Variants in LMNTD2 observed in about 807,000 individuals in gnomAD.
LMNTD2 encodes lamin tail domain containing 2, also known as lamin tail domain-containing protein 2.
In LMNTD2, 83 loss-of-function variants were observed where a neutral mutation model predicts 70.1. That is an observed-to-expected ratio of 1.18 (90% CI 0.99 to 1.42). LMNTD2 has a LOEUF of 1.42. Ranked by LOEUF, LMNTD2 falls within the 40% of genes most tolerant of loss-of-function variation. LMNTD2 has a pLI of 0.00. For synonymous variants in LMNTD2, 534 were observed against 406.1 expected (o/e 1.31, Z -3.79); for missense variants, 1,153 against 905.9 (o/e 1.27, Z -3.50).
Position 555,727 on chromosome 11 carries a change from T to G in LMNTD2, c.1574+7A>C. On this transcript the variant is annotated splice_region_variant and intron_variant, in intron 12 of 13. Transcript: ENST00000329451. ...GAGGCCAGATCCCGGGGACCCGCGG[T>G]CCCCACCCTGGTCTCCGGCGACTGA... The G allele has an allele frequency of 7.2e-7, 1 of 1,388,366 alleles. No individual in the cohort carries two copies. The highest frequency in any genetic ancestry group is 9.2e-7 in the Non-Finnish European group (1 of 1,082,412). 86.0% of individuals were successfully genotyped at this position (1,388,366 alleles called of 1,614,324 possible).
Position 555,880 on chromosome 11 carries a change from G to C in LMNTD2, c.1428C>G (p.Val476=). Residue 476 remains valine (V), a synonymous_variant, in exon 12 of 14, where the codon GTC becomes GTG. Coordinates refer to ENST00000329451, the MANE Select transcript of LMNTD2 (RefSeq NM_173573.3). ...IPRRETPAPR[V]FADGTDLSID... Reference sequence around the variant, plus strand: ...TGGACAAGTCGGTGCCGTCGGCGAAGACCCTCGGGGCCGGAGTCTCGCGGC... The same window carrying C: ...TGGACAAGTCGGTGCCGTCGGCGAACACCCTCGGGGCCGGAGTCTCGCGGC... The C allele has an allele frequency of 1.3e-6, 2 of 1,565,010 alleles. No individual in the cohort carries two copies. Among genetic ancestry groups the C allele is most frequent in the South Asian group, 1.2e-5 (1 of 86,482 alleles).
At chr11:555,205 A>AGGGGCGGGGAGGAGAGCGGG (rs1852750186) in intron 13 of LMNTD2, 94 bp from the exon 14 acceptor site, 2 of 438,278 alleles carry the variant, frequency 4.6e-6, no homozygotes, top group Non-Finnish European at 6.0e-6. Flanking sequence ...AGGAGAGCGG[A>AGGGGCGGGGAGGAGAGCGGG]GGGGAGGGGA....
intron 1 of LMNTD2, 93 bp downstream of exon 1, chr11:560,590 G>A (rs1398385624): frequency 2.3e-6 from 3 of 1,291,860 alleles, no homozygotes; most frequent in East Asian, 3.1e-5. Flanking sequence ...CGGGGGTTGC[G>A]GGATCTCAAG....
At chr11:559,286 T>C (rs1853125368) in intron 1 of LMNTD2, 4 of 1,462,632 alleles carry the variant, frequency 2.7e-6, no homozygotes, top group African/African-American at 1.4e-5. Flanking sequence ...TTGCCTGTGA[T>C]GTGGTGTCCC....
intron 3 of LMNTD2, 149 bp from the exon 4 acceptor site, chr11:558,397 C>T: frequency 9.1e-7 from 1 of 1,097,424 alleles, no homozygotes; most frequent in Non-Finnish European, 1.3e-6. Flanking sequence ...GCTGGCCAGC[C>T]TCCGGCTGGT....
chr11:555,524 A>C (rs2134091119), intron 12 of LMNTD2, 21 bp from the exon 13 acceptor site: 1 of 1,344,268 alleles, frequency 7.4e-7, no homozygotes, highest in East Asian at 3.0e-5. Flanking sequence ...GAGGGTCGTG[A>C]GGGCGGCGGC....
chr11:559,684 G>GT (rs1853155206), intron 1 of LMNTD2: 2 of 1,168,290 alleles, frequency 1.7e-6, no homozygotes, highest in South Asian at 1.7e-5. Context: ...AAGCAGACAG[G>GT]TAACAGTGAC....
In LMNTD2 at chr11:554,927, C is replaced by A. The variant is rs942339821; in HGVS notation, c.*53G>T. On this transcript the variant is annotated 3_prime_UTR_variant, in exon 14 of 14. Coordinates refer to ENST00000329451, the MANE Select transcript of LMNTD2 (RefSeq NM_173573.3). ...GATGCAGCGGACACAGCCCGCCCAGCCCCGGCGCCCGCCCGCGCCCTCCCT... is the reference window on the plus strand; with the variant it reads ...GATGCAGCGGACACAGCCCGCCCAGACCCGGCGCCCGCCCGCGCCCTCCCT... The A allele has an allele frequency of 7.4e-7, 1 of 1,353,526 alleles. No homozygotes were observed. Among genetic ancestry groups the A allele is most frequent in the Non-Finnish European group, 9.8e-7 (1 of 1,025,420 alleles). The allele number at this position is 1,353,526 out of a possible 1,614,324, so 83.8% of individuals were successfully genotyped here.
chr11:558,707 A>G lies in LMNTD2; in HGVS notation c.218T>C (p.Leu73Pro). The change falls in exon 3 of 14, where the codon CTG (leucine) becomes CCG (proline). Residue 73 changes from leucine (L) to proline (P), a missense_variant. By Grantham distance (98) the Leu-to-Pro change is moderately conservative. Transcript: ENST00000329451. ...TLRLLWRQRELEIQALRWAIQ... is the reference protein window; with the variant it reads ...TLRLLWRQREPEIQALRWAIQ... ...GGCCCACCGCAAGGCCTGGATCTCC[A>G]GTTCTCGCTGTCTCCACAGCAGCCG... 6.2e-7 allele frequency: 1 copy of G among 1,606,638 alleles called. No homozygotes were observed. The highest frequency in any genetic ancestry group is 1.1e-5 in the South Asian group (1 of 90,028).
chr11:555,306 C>T lies in LMNTD2; in HGVS notation c.1772G>A (p.Arg591Gln), dbSNP rs530471704. ...DCRLQKEHRV[R>Q]VCRKSVDRSC... ...GCGCACCCGCAAGCGCGCACTCACCCGAACTCGGTGTTCTTTCTGGAGCCG... is the reference window on the plus strand; with the variant it reads ...GCGCACCCGCAAGCGCGCACTCACCTGAACTCGGTGTTCTTTCTGGAGCCG... The change falls in exon 13 of 14, where the codon CGG becomes CAG. Residue 591 changes from arginine to glutamine, a missense_variant and splice_region_variant. Arg to Gln is a conservative substitution (Grantham distance 43). Coordinates refer to ENST00000329451, the MANE Select transcript of LMNTD2 (RefSeq NM_173573.3). 2 of 1,414,508 alleles carry T rather than the reference C, an allele frequency of 1.4e-6. No homozygotes were observed. Among genetic ancestry groups the T allele is most frequent in the East Asian group, 5.8e-5 (2 of 34,566 alleles). The allele number at this position is 1,414,508 out of a possible 1,614,324, so 87.6% of individuals were successfully genotyped here.
Position 558,900 on chromosome 11 carries a change from G to A in LMNTD2, c.114C>T (p.Asp38=). Residue 38 remains aspartate, a synonymous_variant, in exon 2 of 14, where the codon GAC becomes GAT. Transcript: ENST00000329451. ...AAPETPTCLP[D]TTPHPAPVVC... Reference sequence around the variant, plus strand: ...CCACCGGTGCGGGGTGGGGCGTGGTGTCTGGCAGGCACGTGGGAGTCTCGG... The same window carrying A: ...CCACCGGTGCGGGGTGGGGCGTGGTATCTGGCAGGCACGTGGGAGTCTCGG... The A allele has an allele frequency of 1.9e-6, 3 of 1,611,490 alleles. No homozygotes were observed. The highest frequency in any genetic ancestry group is 2.5e-6 in the Non-Finnish European group (3 of 1,179,526).
chr11:558,427 C>A, intron 3 of LMNTD2, 179 bp from the exon 4 acceptor site: 1 of 1,048,812 alleles, frequency 9.5e-7, no homozygotes, highest in Admixed American at 2.8e-5. Context: ...GGTCTAGCAC[C>A]CATCCACATG....
At chr11:557,314 AT>A in intron 7 of LMNTD2, 84 bp downstream of exon 7, 13 of 1,463,760 alleles carry the variant, frequency 8.9e-6, no homozygotes, top group South Asian at 1.2e-5. Flanking sequence ...GGGACACTAA[AT>A]GGTCCTTTAG....
In LMNTD2 at chr11:556,896, G is replaced by A. The variant is rs1327131854; in HGVS notation, c.915C>T (p.Asp305=). Residue 305 remains aspartate, a synonymous_variant, in exon 8 of 14, where the codon GAC becomes GAT. Transcript: ENST00000329451. ...FVQVIGHPPR[D]HRASSEQALV... is the part of the protein sequence containing the mutation. ...GCGCTTGCTCGGAGGAAGCGCGGTG[G>A]TCCCGGGGCGGGTGCCCTATCACCT... 1 of 1,596,666 alleles carries A rather than the reference G, an allele frequency of 6.3e-7. No individual in the cohort carries two copies. The highest frequency in any genetic ancestry group is 8.5e-7 in the Non-Finnish European group (1 of 1,174,350).
At position 555,093 on chromosome 11, in the gene LMNTD2, C is replaced by T. The variant is rs1852704578; in HGVS notation, c.1792G>A (p.Asp598Asn). 1 of 1,536,014 alleles carries T rather than the reference C, an allele frequency of 6.5e-7. No individual in the cohort carries two copies. Among genetic ancestry groups the T allele is most frequent in the Non-Finnish European group, 8.7e-7 (1 of 1,144,410 alleles). The change falls in exon 14 of 14, where the codon GAC (aspartate) becomes AAC (asparagine). Residue 598 changes from aspartate (D) to asparagine (N), a missense_variant. Coordinates refer to ENST00000329451, the MANE Select transcript of LMNTD2 (RefSeq NM_173573.3). ...HRVRVCRKSV[D>N]RSCPLVALSV... Reference sequence around the variant, plus strand: ...AGGGCCACCAGGGGGCAGCTACGGTCCACGCTCTTCCGGCACACCTGGGGG... The same window carrying T: ...AGGGCCACCAGGGGGCAGCTACGGTTCACGCTCTTCCGGCACACCTGGGGG...
At chr11:559,002 T>C in intron 1 of LMNTD2, 23 bp from the exon 2 acceptor site, 1 of 1,594,646 alleles carries the variant, frequency 6.3e-7, no homozygotes, top group Non-Finnish European at 8.5e-7. Flanking sequence ...GGAGAGCCTC[T>C]TCCTCGGTTT....
At position 557,563 on chromosome 11, in the gene LMNTD2, C is replaced by G; in HGVS notation, c.624+9G>C. 6.2e-7 allele frequency: 1 copy of G among 1,613,456 alleles called. No homozygotes were observed. Among genetic ancestry groups the G allele is most frequent in the Non-Finnish European group, 8.5e-7 (1 of 1,179,860 alleles). Reference sequence around the variant, plus strand: ...ATACCAGACCACACACGTGGGAGGCCTAGCTCACCTCCCCGGTGGGGGCCT... The same window carrying G: ...ATACCAGACCACACACGTGGGAGGCGTAGCTCACCTCCCCGGTGGGGGCCT... On this transcript the variant is annotated intron_variant, in intron 6 of 13. Transcript: ENST00000329451.
intron 1 of LMNTD2, chr11:559,855 G>A (rs1853164364): frequency 3.9e-6 from 3 of 763,832 alleles, no homozygotes; most frequent in Non-Finnish European, 3.2e-6. Context: ...GAATTCCTGG[G>A]CTCAGGTGAT....
intron 4 of LMNTD2, 38 bp downstream of exon 4, chr11:558,123 C>T (rs1222016379): frequency 4.3e-6 from 7 of 1,610,300 alleles, no homozygotes; most frequent in Non-Finnish European, 5.9e-6. Flanking sequence ...GGCTCCCCAA[C>T]ACCAGGACCC....
Sources: allele counts gnomAD v4.1 joint callset, GRCh38; gene constraint gnomAD v4.1.1; transcripts MANE v1.5; gene names NCBI Gene and HGNC (gene_info 2026-07-23, HGNC 2026-07-21).